Variants in RUFY1 observed in about 807,000 individuals in gnomAD.
RUFY1 encodes the protein RUN and FYVE domain-containing protein 1.
In RUFY1, 54 loss-of-function variants were observed where a neutral mutation model predicts 94.6. The observed-to-expected ratio is 0.57, with a 90% CI of 0.46 to 0.72. RUFY1 has a LOEUF of 0.72. RUFY1 is among the 30% of genes least tolerant of loss of function. The pLI is 0.00. For synonymous variants in RUFY1, 396 were observed against 347.3 expected (o/e 1.14, Z -1.56); for missense variants, 883 against 883.9 (o/e 1.00, Z 0.01).
At chr5:179,586,451 T>C in intron 8 of RUFY1, 1 of 456,464 alleles carries the variant, frequency 2.2e-6, no homozygotes. Context: ...AGGGGGGTGC[T>C]CAGCCCTTCT....
At chr5:179,585,000 G>T (rs968220645) in intron 7 of RUFY1, among the ~76,000 whole-genome samples, 5 of 151,628 alleles carry the variant, frequency 3.3e-5, no homozygotes, top group African/African-American at 1.2e-4. Context: ...GCATGTTGAC[G>T]GGCGCCTGTG....
At chr5:179,553,289 G>A (rs1761944177) in intron 1 of RUFY1, among the ~76,000 whole-genome samples, 1 of 152,198 alleles carries the variant, frequency 6.6e-6, no homozygotes, top group South Asian at 2.1e-4. Context: ...CTGCAGGGAA[G>A]TTGCAATCCA....
At chr5:179,562,103 C>T (rs1762503718) in intron 2 of RUFY1, among the ~76,000 whole-genome samples, 3 of 151,942 alleles carry the variant, frequency 2.0e-5, no homozygotes, top group Admixed American at 2.0e-4. Context: ...TCTCCCAGTC[C>T]CCAAGAGTAA....
At position 179,583,162 on chromosome 5, in the gene RUFY1, C is replaced by T. The variant is rs150990135; in HGVS notation, c.956+2150C>T. Reference sequence around the variant, plus strand: ...TACTAAAAATACAAAAATTAACCGGCATGGTGGCGGGCATCTGTAGTCCCA... The same window carrying T: ...TACTAAAAATACAAAAATTAACCGGTATGGTGGCGGGCATCTGTAGTCCCA... On this transcript the variant is annotated intron_variant, in intron 7 of 17. Coordinates refer to ENST00000319449, the MANE Select transcript of RUFY1 (RefSeq NM_025158.5). Among the ~76,000 whole-genome samples the T allele has an allele frequency of 5.6e-3, 843 of 151,594 alleles. 9 individuals carry two copies. Among genetic ancestry groups the T allele is most frequent in the African/African-American group, 0.02 (820 of 41,392 alleles).
At position 179,560,000 on chromosome 5, in the gene RUFY1, AGCTATCCCT is replaced by A. The variant is rs1219823725; in HGVS notation, c.311-21_311-13del. 1 of 1,606,894 alleles carries A rather than the reference AGCTATCCCT, an allele frequency of 6.2e-7. No individual in the cohort carries two copies. Among genetic ancestry groups the A allele is most frequent in the Non-Finnish European group, 8.5e-7 (1 of 1,176,364 alleles). ...CTCCCCACGCTCAGTCCACTAACGAAGCTATCCCTGCTCCTGCCCCACAGCTTCTAAGTG... is the reference window on the plus strand; with the variant it reads ...CTCCCCACGCTCAGTCCACTAACGAAGCTCCTGCCCCACAGCTTCTAAGTG... On this transcript the variant is annotated splice_polypyrimidine_tract_variant and intron_variant, in intron 1 of 17. Coordinates refer to ENST00000319449, the MANE Select transcript of RUFY1 (RefSeq NM_025158.5).
chr5:179,585,735 G>C, intron 7 of RUFY1, 61 bp from the exon 8 acceptor site: 1 of 1,254,626 alleles, frequency 8.0e-7, no homozygotes. Context: ...ACTGTTTACA[G>C]ATTGAGAAAA....
chr5:179,588,580 T>C (rs1240274909), intron 8 of RUFY1, among the ~76,000 whole-genome samples: 1 of 152,182 alleles, frequency 6.6e-6, no homozygotes, highest in East Asian at 1.9e-4. Flanking sequence ...GCAAATTCTT[T>C]AATTCTCCCT....
chr5:179,573,656 G>A (rs983193186), intron 5 of RUFY1, among the ~76,000 whole-genome samples: 1 of 152,052 alleles, frequency 6.6e-6, no homozygotes, highest in East Asian at 1.9e-4. Flanking sequence ...CTGAGTAGTT[G>A]GGATTGCAGG....
rs1160205486 is a variant in RUFY1 at position 179,601,994 on chromosome 5, C to G, written c.1856+8C>G. 6.2e-7 allele frequency: 1 copy of G among 1,606,466 alleles called. No individual in the cohort carries two copies. Among genetic ancestry groups the G allele is most frequent in the Non-Finnish European group, 8.5e-7 (1 of 1,173,638 alleles). On this transcript the variant is annotated splice_region_variant and intron_variant, in intron 15 of 17. Coordinates refer to ENST00000319449, the MANE Select transcript of RUFY1 (RefSeq NM_025158.5). ...GGGCCTGCACCTCAGCCAGTAAGAA[C>G]CCCACTCCCCTTGTCTGCCACTGCA... is the stretch of plus-strand genomic sequence containing the variant.
chr5:179,555,578 C>G (rs1156540880), intron 1 of RUFY1: 1 of 378,136 alleles, frequency 2.6e-6, no homozygotes, highest in Non-Finnish European at 5.1e-6. Flanking sequence ...GAACACTGGT[C>G]TTAACATTTT....
chr5:179,600,766 G>A (rs1173108378), intron 14 of RUFY1, among the ~76,000 whole-genome samples: 4 of 135,914 alleles, frequency 2.9e-5, no homozygotes, highest in Admixed American at 2.5e-4. Context: ...GTGTGATCTC[G>A]GCTCACTGCA....
chr5:179,550,978 T>C lies in RUFY1; in HGVS notation c.310+99T>C, dbSNP rs1761808141. The C allele has an allele frequency of 7.4e-6, 7 of 940,176 alleles. No homozygotes were observed. In the South Asian group the frequency reaches 2.5e-4, roughly 33 times the overall value. The allele number at this position is 940,176 out of a possible 1,614,324, so 58.2% of individuals were successfully genotyped here. A position where few individuals can be genotyped will look rare whatever the true frequency, so the allele number is the denominator to read the frequency against. On this transcript the variant is annotated intron_variant, in intron 1 of 17. Transcript: ENST00000319449. ...GCCGGGCTGGGAGGGCACTGGCCGT[T>C]CCGGGAGGTTACGCGAGCTGTTGGC...
At chr5:179,572,110 G>C (rs1282445541) in intron 5 of RUFY1, 1 of 183,568 alleles carries the variant, frequency 5.4e-6, no homozygotes, top group Admixed American at 6.3e-5. Context: ...GAGTCCACGC[G>C]TCTGGTTGTC....
At position 179,560,211 on chromosome 5, in the gene RUFY1, G is replaced by A. The variant is rs755603657; in HGVS notation, c.484+13G>A. 2 of 1,608,734 alleles carry A rather than the reference G, an allele frequency of 1.2e-6. No homozygotes were observed. Among genetic ancestry groups the A allele is most frequent in the Non-Finnish European group, 8.5e-7 (1 of 1,175,932 alleles). On this transcript the variant is annotated intron_variant, in intron 2 of 17. Transcript: ENST00000319449. ...CATGGGCTGAAAGGTGAGCCTGAGG[G>A]GGCGTTTGGGAGCGTGGAAGTTCGG...
chr5:179,586,271 G>A (rs1764596672), intron 8 of RUFY1: 1 of 457,950 alleles, frequency 2.2e-6, no homozygotes, highest in Non-Finnish European at 4.4e-6. Context: ...CTTCTGCTTT[G>A]GCCTCAGGAG....
chr5:179,567,750 G>A (rs192224971), intron 4 of RUFY1, among the ~76,000 whole-genome samples, 188 bp downstream of exon 4: 20 of 152,000 alleles, frequency 1.3e-4, no homozygotes, highest in Admixed American at 1.1e-3. Flanking sequence ...CTAAAAATAC[G>A]AAAATTAGCC....
At chr5:179,590,260 A>C (rs2127553233) in intron 9 of RUFY1, among the ~76,000 whole-genome samples, 1 of 151,444 alleles carries the variant, frequency 6.6e-6, no homozygotes, top group Non-Finnish European at 1.5e-5. Context: ...AGGCTGAGGC[A>C]GGAGAATGGT....
intron 4 of RUFY1, among the ~76,000 whole-genome samples, chr5:179,568,206 C>T (rs895609589): frequency 6.6e-6 from 1 of 151,878 alleles, no homozygotes; most frequent in Admixed American, 6.6e-5. Flanking sequence ...GATCACACCA[C>T]TGTACCTCCA....
Position 179,578,631 on chromosome 5 carries a change from G to GTTGTTTGT in RUFY1, c.890+1514_890+1521dup, listed in dbSNP as rs142563255. Reference sequence around the variant, plus strand: ...CAATGTATAACATACTACCATTTATGTTGTTTGTTTGTTTGTTTGTTTGTT... The same window carrying GTTGTTTGT: ...CAATGTATAACATACTACCATTTATGTTGTTTGTTTGTTTGTTTGTTTGTTTGTTTGTT... On this transcript the variant is annotated intron_variant, in intron 6 of 17. Coordinates refer to ENST00000319449, the MANE Select transcript of RUFY1 (RefSeq NM_025158.5). 3.9e-4 allele frequency among the ~76,000 whole-genome samples: 59 copies of GTTGTTTGT among 151,986 alleles called. No individual in the cohort carries two copies. In the East Asian group the frequency reaches 7.2e-3, roughly 18 times the overall value.
Sources: gnomAD v4.1 joint callset for allele counts (sites outside exome capture counted in the v4.1 genomes callset) on GRCh38, gnomAD v4.1.1 for gene constraint, MANE v1.5 for transcripts, NCBI Gene and HGNC (gene_info 2026-07-23, HGNC 2026-07-21) for gene names.